The following PPM1G variants were observed in gnomAD, a reference collection of about 807,000 sequenced individuals.
PPM1G encodes the protein protein phosphatase, Mg2+/Mn2+ dependent 1G, also known as protein phosphatase 1G.
PPM1G carries 12 observed loss-of-function variants against 59.4 expected under a neutral mutation model. The ratio of observed to expected loss-of-function variants is 0.20; its 90% CI spans 0.13 to 0.33. The LOEUF (loss-of-function observed/expected upper bound fraction) is 0.33. Ranked by LOEUF, PPM1G falls within the 10% of genes least tolerant of loss-of-function variation. The probability of loss-of-function intolerance (pLI) is 1.00; values close to 1 mark genes in which losing one functional copy is unlikely to be tolerated. For missense variants in PPM1G, 392 were observed against 681.3 expected (o/e 0.58, Z 4.73); for synonymous variants, 245 against 251.9 (o/e 0.97, Z 0.26).
In PPM1G at chr2:27,381,338, C is replaced by G. The variant is rs183380289; in HGVS notation, c.*261G>C. The G allele has an allele frequency of 3.7e-6, 2 of 544,578 alleles. No individual in the cohort carries two copies. The highest frequency in any genetic ancestry group is 6.6e-6 in the Non-Finnish European group (2 of 302,774). The allele number at this position is 544,578 out of a possible 1,614,324, so 33.7% of individuals were successfully genotyped here. A position where few individuals can be genotyped will look rare whatever the true frequency, so the allele number is the denominator to read the frequency against. On this transcript the variant is annotated 3_prime_UTR_variant, in exon 10 of 10. Transcript: ENST00000344034. The stretch of plus-strand genomic sequence containing the variant: ...GTTCACAGAGTAAAAACCAGAACCG[C>G]CAGTCCTTCCCTCCAACACAACAGA...
At chr2:27,386,046 C>T (rs1683756649) in intron 3 of PPM1G, 148 bp downstream of exon 3, 15 of 1,232,962 alleles carry the variant, frequency 1.2e-5, no homozygotes, top group Non-Finnish European at 1.5e-5. Context: ...GTCTAAAAGG[C>T]GGCCAATAAG....
chr2:27,387,262 T>C (rs1016651418), intron 1 of PPM1G, 104 bp from the exon 2 acceptor site: 25 of 839,242 alleles, frequency 3.0e-5, no homozygotes, highest in Non-Finnish European at 4.5e-5. Flanking sequence ...GGCTGGCCTA[T>C]ATGGCCTAGA....
At chr2:27,391,105 T>C (rs1023307308) in intron 1 of PPM1G, among the ~76,000 whole-genome samples, 2 of 152,254 alleles carry the variant, frequency 1.3e-5, no homozygotes, top group African/African-American at 4.8e-5. Flanking sequence ...CATGAGTTGA[T>C]TCAATGTTTT....
rs1683715696 is a variant in PPM1G at position 27,384,549 on chromosome 2, A to C, written c.825+124T>G. ...CAATGAATTCAAGACTAAAGCTTAG[A>C]ATACAGTGGGTCTTGGGGGATGATG... is the stretch of plus-strand genomic sequence containing the variant. On this transcript the variant is annotated intron_variant, in intron 5 of 9. Transcript: ENST00000344034. The surrounding 1 kb of genome is among the most constrained non-coding windows in gnomAD (Gnocchi z 4.8). 1 of 1,206,150 alleles carries C rather than the reference A, an allele frequency of 8.3e-7. No homozygotes were observed. Among genetic ancestry groups the C allele is most frequent in the Admixed American group, 2.3e-5 (1 of 43,668 alleles). 74.7% of individuals were successfully genotyped at this position (1,206,150 alleles called of 1,614,324 possible). A position where few individuals can be genotyped will look rare whatever the true frequency, so the allele number is the denominator to read the frequency against.
intron 1 of PPM1G, among the ~76,000 whole-genome samples, chr2:27,388,394 G>A (rs570222280): frequency 1.3e-5 from 2 of 151,938 alleles, no homozygotes; most frequent in African/African-American, 4.8e-5. Context: ...GGGTGACAGA[G>A]TCAGACTCCG....
Position 27,385,820 on chromosome 2 carries a change from T to C in PPM1G, c.336A>G (p.Lys112=). ...DAKLTTEEVI[K]ELAQIAGRPT... ...GTCGCCCTGCAATCTGTGCCAGCTC[T>C]TTAATGACTTCTTCAGTGGTCAATT... Residue 112 remains lysine (K), a synonymous_variant, in exon 4 of 10, where the codon AAA becomes AAG. Transcript: ENST00000344034. This position sits in a 1 kb window ranked among gnomAD's most constrained non-coding sequence, Gnocchi z 4.1. 1.2e-6 allele frequency: 2 copies of C among 1,614,138 alleles called. No homozygotes were observed. The highest frequency in any genetic ancestry group is 2.2e-5 in the East Asian group (1 of 44,886).
intron 1 of PPM1G, among the ~76,000 whole-genome samples, chr2:27,391,459 T>G (rs558327113): frequency 6.6e-6 from 1 of 152,342 alleles, no homozygotes; most frequent in Admixed American, 6.5e-5. Flanking sequence ...TTCATGTTTG[T>G]GGGCCACATG....
chr2:27,386,401 C>A (rs1683762985), intron 2 of PPM1G, 122 bp from the exon 3 acceptor site: 1 of 656,458 alleles, frequency 1.5e-6, no homozygotes, highest in Non-Finnish European at 2.7e-6. Context: ...TCTTAGCACC[C>A]CTGAACCCTA....
In PPM1G at chr2:27,382,695, C is replaced by T; in HGVS notation, c.1202-90G>A. On this transcript the variant is annotated intron_variant, in intron 7 of 9. Coordinates refer to ENST00000344034, the MANE Select transcript of PPM1G (RefSeq NM_177983.3). The surrounding 1 kb of genome is among the most constrained non-coding windows in gnomAD (Gnocchi z 4.2). Reference sequence around the variant, plus strand: ...TCAAACCTTGCCATTCATTTCCCTTCTTTACAAAGTTCCATAATCTAGTGG... The same window carrying T: ...TCAAACCTTGCCATTCATTTCCCTTTTTTACAAAGTTCCATAATCTAGTGG... 1 of 1,515,332 alleles carries T rather than the reference C, an allele frequency of 6.6e-7. No individual in the cohort carries two copies. 93.9% of individuals were successfully genotyped at this position (1,515,332 alleles called of 1,614,324 possible). A position where few individuals can be genotyped will look rare whatever the true frequency, so the allele number is the denominator to read the frequency against.
chr2:27,386,364 G>GA (rs1335766390), intron 2 of PPM1G, 85 bp from the exon 3 acceptor site: 2 of 981,648 alleles, frequency 2.0e-6, no homozygotes, highest in African/African-American at 3.2e-5. Flanking sequence ...ATACTGGAGT[G>GA]AACCCCAAGG....
At chr2:27,396,141 G>A (rs1214648580) in intron 1 of PPM1G, among the ~76,000 whole-genome samples, 4 of 152,042 alleles carry the variant, frequency 2.6e-5, no homozygotes, top group African/African-American at 4.8e-5. Context: ...GTGTTGTGGC[G>A]AGCACCTGTA....
chr2:27,384,793 A>C lies in PPM1G; in HGVS notation c.705T>G (p.Gly235=), dbSNP rs1320996230. 2 of 1,614,106 alleles carry C rather than the reference A, an allele frequency of 1.2e-6. No homozygotes were observed. The highest frequency in any genetic ancestry group is 1.7e-6 in the Non-Finnish European group (2 of 1,180,052). ...CTGAAGAGCAGGAAGGCCCAGCCTC[A>C]CCAGTGGGAATGCCAGGCTCACCAA... ...GQVGEPGIPT[G]EAGPSCSSAS... The change falls in exon 5 of 10, where the codon GGT becomes GGG. Residue 235 remains glycine, a synonymous_variant. Transcript: ENST00000344034. The surrounding 1 kb of genome is among the most constrained non-coding windows in gnomAD (Gnocchi z 4.8).
At position 27,396,008 on chromosome 2, in the gene PPM1G, C is replaced by A. The variant is rs567778819; in HGVS notation, c.121-8850G>T. The stretch of plus-strand genomic sequence containing the variant: ...CATGGAGGCTGGGCACAGTGGCTCA[C>A]GCCTGTAATCCCAGCACTTTGGGAG... On this transcript the variant is annotated intron_variant, in intron 1 of 9. Transcript: ENST00000344034. Among the ~76,000 whole-genome samples the A allele has an allele frequency of 2.4e-3, 364 of 152,224 alleles. 1 individual carries two copies. The highest frequency in any genetic ancestry group is 8.3e-3 in the African/African-American group (345 of 41,546).
chr2:27,392,968 G>A (rs192447516), intron 1 of PPM1G: 250 of 1,506,930 alleles, frequency 1.7e-4, no homozygotes, highest in Non-Finnish European at 2.1e-4. Context: ...ATTTTTGTCA[G>A]TGGCCAGTTT....
At chr2:27,391,903 T>G (rs1683914599) in intron 1 of PPM1G, among the ~76,000 whole-genome samples, 1 of 152,062 alleles carries the variant, frequency 6.6e-6, no homozygotes, top group Non-Finnish European at 1.5e-5. Context: ...AGCTAATTTT[T>G]GTATTTTTAG....
chr2:27,382,360 C>T lies in PPM1G; in HGVS notation c.1331+116G>A, dbSNP rs1213127592. ...TCAGCTCTGCCTTAGTCTGGGTGCT[C>T]TTCACCCACCAAGAGGCCTAGGTCT... is the stretch of plus-strand genomic sequence containing the variant. On this transcript the variant is annotated intron_variant, in intron 8 of 9. Transcript: ENST00000344034. The surrounding 1 kb of genome is among the most constrained non-coding windows in gnomAD (Gnocchi z 4.2). 5.8e-6 allele frequency: 9 copies of T among 1,554,318 alleles called. No homozygotes were observed. The highest frequency in any genetic ancestry group is 6.2e-6 in the Non-Finnish European group (7 of 1,137,886).
At position 27,385,227 on chromosome 2, in the gene PPM1G, G is replaced by A. The variant is rs1683735634; in HGVS notation, c.410-139C>T. 9.4e-6 allele frequency: 9 copies of A among 958,856 alleles called. No individual in the cohort carries two copies. Among genetic ancestry groups the A allele is most frequent in the South Asian group, 9.0e-5 (5 of 55,602 alleles). The allele number at this position is 958,856 out of a possible 1,614,324, so 59.4% of individuals were successfully genotyped here. ...CAAGGTTCCTCTCGCTCAAGTCTCAGAAGAACATGCCCTAGCTCCTCCTCC... is the reference window on the plus strand; with the variant it reads ...CAAGGTTCCTCTCGCTCAAGTCTCAAAAGAACATGCCCTAGCTCCTCCTCC... On this transcript the variant is annotated intron_variant, in intron 4 of 9. Coordinates refer to ENST00000344034, the MANE Select transcript of PPM1G (RefSeq NM_177983.3). The surrounding 1 kb of genome is among the most constrained non-coding windows in gnomAD (Gnocchi z 4.1).
chr2:27,386,375 G>T (rs1683762544), intron 2 of PPM1G, 96 bp from the exon 3 acceptor site: 3 of 872,578 alleles, frequency 3.4e-6, no homozygotes, highest in Admixed American at 1.8e-5. Context: ...AACCCCAAGG[G>T]TTGAGGGGAT....
intron 1 of PPM1G, chr2:27,393,037 A>T (rs1260641092): frequency 2.9e-6 from 4 of 1,394,468 alleles, no homozygotes; most frequent in African/African-American, 1.4e-5. Flanking sequence ...AAAATGCACA[A>T]TTTTTTCCAA....
Sources: gnomAD v4.1 joint callset for allele counts (sites outside exome capture counted in the v4.1 genomes callset) on GRCh38, gnomAD v4.1.1 for gene constraint, Gnocchi (gnomAD v3.1) non-coding constraint, MANE v1.5 for transcripts, NCBI Gene and HGNC (gene_info 2026-07-23, HGNC 2026-07-21) for gene names.